SHANK1: variants seen among roughly 807,000 people sequenced by gnomAD.
SHANK1 encodes SH3 and multiple ankyrin repeat domains protein 1.
In SHANK1, 35 loss-of-function variants were observed where a neutral mutation model predicts 165.6. The ratio of observed to expected loss-of-function variants is 0.21; its 90% confidence interval spans 0.16 to 0.28. The LOEUF (loss-of-function observed/expected upper bound fraction) is 0.28. Among genes scored for constraint, SHANK1 ranks in the 10% least tolerant of loss-of-function variants. The pLI is 1.00. For missense variants in SHANK1, 2,681 were observed against 3,036.4 expected (o/e 0.88, Z 2.75); for synonymous variants, 1,428 against 1,384.8 (o/e 1.03, Z -0.69).
rs1011658644 is a variant in SHANK1 at position 50,666,265 on chromosome 19, C to G, written c.5695G>C (p.Gly1899Arg). 1.9e-6 allele frequency: 3 copies of G among 1,610,914 alleles called. No individual in the cohort carries two copies. Among genetic ancestry groups the G allele is most frequent in the Non-Finnish European group, 2.5e-6 (3 of 1,179,096 alleles). Residue 1899 changes from glycine (G) to arginine (R), a missense_variant, in exon 23 of 24, where the codon GGG (glycine) becomes CGG (arginine). Around this residue, in one of 10 missense-constraint regions of SHANK1, gnomAD observed 1,713 missense variants for 1,630.2 expected, o/e 1.05. Coordinates refer to ENST00000293441, the MANE Select transcript of SHANK1 (RefSeq NM_016148.5). ...GALPWARGGS[G>R]GGGDSHHGGA... ...CCGTGGTGGCTGTCTCCGCCTCCCC[C>G]ACTGCCTCCTCGGGCCCAGGGCAGA... is the stretch of plus-strand genomic sequence containing the variant.
Position 50,659,718 on chromosome 19 carries a change from C to A in SHANK1, c.*2247G>T, listed in dbSNP as rs1252818615. Among the ~76,000 whole-genome samples the A allele has an allele frequency of 6.7e-6, 1 of 149,754 alleles. No individual in the cohort carries two copies. Among genetic ancestry groups the A allele is most frequent in the African/African-American group, 2.5e-5 (1 of 40,540 alleles). On this transcript the variant is annotated 3_prime_UTR_variant, in exon 24 of 24. Coordinates refer to ENST00000293441, the MANE Select transcript of SHANK1 (RefSeq NM_016148.5). ...CTTTTTGCTTTTTCTCTCCTCTCCA[C>A]CCCGCGCTGTCCCCGCATTCGGTCC... is the stretch of plus-strand genomic sequence containing the variant.
At position 50,667,889 on chromosome 19, in the gene SHANK1, C is replaced by A; in HGVS notation, c.4071G>T (p.Leu1357=). 2 of 1,323,070 alleles carry A rather than the reference C, an allele frequency of 1.5e-6. No individual in the cohort carries two copies. The allele number at this position is 1,323,070 out of a possible 1,614,324, so 82.0% of individuals were successfully genotyped here. A position where few individuals can be genotyped will look rare whatever the true frequency, so the allele number is the denominator to read the frequency against. Residue 1357 remains leucine (L), a synonymous_variant, in exon 23 of 24, where the codon CTG becomes CTT. Coordinates refer to ENST00000293441, the MANE Select transcript of SHANK1 (RefSeq NM_016148.5). The surrounding 1 kb of genome is among the most constrained non-coding windows in gnomAD (Gnocchi z 5.7). ...LDPASPLGLA[L]AARERALKES... is the part of the protein sequence containing the mutation. ...CCTTCAGCGCTCGCTCGCGGGCGGC[C>A]AGGGCCAGCCCCAGCGGGGAGGCGG...
At chr19:50,684,626 A>G (rs572219229) in intron 21 of SHANK1, among the ~76,000 whole-genome samples, 72 of 152,276 alleles carry the variant, frequency 4.7e-4, no homozygotes, top group African/African-American at 1.7e-3. Flanking sequence ...AAAAAATCCT[A>G]TGTCTTCATT....
Position 50,697,749 on chromosome 19 carries a change from T to A in SHANK1, c.1862-85A>T. 6.5e-7 allele frequency: 1 copy of A among 1,534,916 alleles called. No individual in the cohort carries two copies. The highest frequency in any genetic ancestry group is 1.7e-5 in the Admixed American group (1 of 59,532). ...AGAGCTCCTGGCCCAAGTCTTCCCA[T>A]CTACCTCCCAGTACCCCACCCCCAT... On this transcript the variant is annotated intron_variant, in intron 13 of 23. Coordinates refer to ENST00000293441, the MANE Select transcript of SHANK1 (RefSeq NM_016148.5). This position sits in a 1 kb window ranked among gnomAD's most constrained non-coding sequence, Gnocchi z 4.7.
chr19:50,667,339 C>A lies in SHANK1; in HGVS notation c.4621G>T (p.Gly1541Trp). ...PTSPRASEENGLPLLVLPPPA... is the reference protein window; with the variant it reads ...PTSPRASEENWLPLLVLPPPA... ...GGCGGCAGGACCAGCAGGGGCAGCC[C>A]GTTCTCTTCGCTGGCCCTCGGGGAG... The change falls in exon 23 of 24, where the codon GGG (glycine) becomes TGG (tryptophan). Residue 1541 changes from glycine to tryptophan, a missense_variant. Transcript: ENST00000293441. This position sits in a 1 kb window ranked among gnomAD's most constrained non-coding sequence, Gnocchi z 5.7. 1 of 1,566,124 alleles carries A rather than the reference C, an allele frequency of 6.4e-7. No individual in the cohort carries two copies.
At chr19:50,665,748 A>AAAAAAAAAAAAAAG in intron 23 of SHANK1, among the ~76,000 whole-genome samples, 1 of 147,992 alleles carries the variant, frequency 6.8e-6, no homozygotes, top group African/African-American at 2.5e-5. Flanking sequence ...AAAAAAAAAA[A>AAAAAAAAAAAAAAG]AAAAGCCAGG....
At position 50,718,041 on chromosome 19, in the gene SHANK1, C is replaced by G. The variant is rs1011064137; in HGVS notation, c.-43-1079G>C. Among the ~76,000 whole-genome samples, 4 of 152,264 alleles carry G rather than the reference C, an allele frequency of 2.6e-5. No homozygotes were observed. Among genetic ancestry groups the G allele is most frequent in the East Asian group, 1.9e-4 (1 of 5,178 alleles). Reference sequence around the variant, plus strand: ...AGAATGTCTGGTCTGGTCCCTCCCCCCAACACCAGGCCCGGTTCCTGCACC... The same window carrying G: ...AGAATGTCTGGTCTGGTCCCTCCCCGCAACACCAGGCCCGGTTCCTGCACC... On this transcript the variant is annotated intron_variant, in intron 1 of 23. Transcript: ENST00000293441. The surrounding 1 kb of genome is among the most constrained non-coding windows in gnomAD (Gnocchi z 5.1).
chr19:50,707,908 TTTC>T (rs1267116058), intron 8 of SHANK1, among the ~76,000 whole-genome samples: 1 of 43,656 alleles, frequency 2.3e-5, no homozygotes, highest in East Asian at 2.9e-4. Flanking sequence ...TTTCTTTTCT[TTTC>T]TTTTCTTTTC....
Position 50,703,766 on chromosome 19 carries a change from C to A in SHANK1, c.1287G>T (p.Thr429=), listed in dbSNP as rs374557333. The A allele has an allele frequency of 7.4e-5, 106 of 1,430,254 alleles. No individual in the cohort carries two copies. Among genetic ancestry groups the A allele is most frequent in the Admixed American group, 5.0e-4 (17 of 34,202 alleles). The allele number at this position is 1,430,254 out of a possible 1,614,324, so 88.6% of individuals were successfully genotyped here. A position where few individuals can be genotyped will look rare whatever the true frequency, so the allele number is the denominator to read the frequency against. ...TGGCCCGCAGCAGCGCCGGGGGCAC[C>A]GTCAGCCCTGTGCCTGGGGGCCCCC... ...RRRGPPGTGL[T]VPPALLRANS... is the part of the protein sequence containing the mutation. The change falls in exon 11 of 24, where the codon ACG becomes ACT. Residue 429 remains threonine (T), a synonymous_variant. Transcript: ENST00000293441.
In SHANK1 at chr19:50,705,046, C is replaced by A. The variant is rs955428355; in HGVS notation, c.1078-532G>T. Among the ~76,000 whole-genome samples the A allele has an allele frequency of 4.0e-4, 61 of 150,978 alleles. 1 individual carries two copies. The highest frequency in any genetic ancestry group is 3.4e-3 in the Middle Eastern group (1 of 292). On this transcript the variant is annotated intron_variant, in intron 8 of 23. Transcript: ENST00000293441. ...ACAGAGCAGGGACCTGTCTCCCCCC[C>A]AGAAAAAAAAAATGTCAGGTGTGGT...
rs757087714 is a variant in SHANK1, at chr19:50,668,938, CGTG to C, written c.3019_3021del (p.His1007del). ...TGGTGGTGGGGCTGAGGGGGCGGGG[CGTG>C]GTGGTGGTGGTGGTGGGGCGGGTGG... is the stretch of plus-strand genomic sequence containing the variant. On this transcript the variant is annotated inframe_deletion, in exon 23 of 24. Transcript: ENST00000293441. The C allele has an allele frequency of 8.3e-3, 1,580 of 189,366 alleles. No individual in the cohort carries two copies. The highest frequency in any genetic ancestry group is 0.013 in the South Asian group (373 of 28,326). 11.7% of individuals were successfully genotyped at this position (189,366 alleles called of 1,614,324 possible). A position where few individuals can be genotyped will look rare whatever the true frequency, so the allele number is the denominator to read the frequency against.
rs778469285 is a variant in SHANK1 at position 50,662,562 on chromosome 19, A to G, written c.5889T>C (p.Ala1963=). ...AGGGTGAGGTGGCCCCTGGGGCCGCAGCGGCTGTAGGGGAGACCCCTGTTC... is the reference window on the plus strand; with the variant it reads ...AGGGTGAGGTGGCCCCTGGGGCCGCGGCGGCTGTAGGGGAGACCCCTGTTC... The part of the protein sequence containing the change: ...PTGTGVSPTA[A]AAPGATSPSA... Residue 1963 remains alanine, a synonymous_variant, in exon 24 of 24, where the codon GCT becomes GCC. Coordinates refer to ENST00000293441, the MANE Select transcript of SHANK1 (RefSeq NM_016148.5). This position sits in a 1 kb window ranked among gnomAD's most constrained non-coding sequence, Gnocchi z 7.7. 19 of 1,562,198 alleles carry G rather than the reference A, an allele frequency of 1.2e-5. No homozygotes were observed. The highest frequency in any genetic ancestry group is 1.7e-4 in the Middle Eastern group (1 of 5,916).
chr19:50,698,040 CCA>C, intron 12 of SHANK1, 84 bp from the exon 13 acceptor site: 1 of 969,472 alleles, frequency 1.0e-6, no homozygotes, highest in Non-Finnish European at 1.6e-6. Flanking sequence ...TAGAGCATTC[CCA>C]CAGTTACCAG....
Position 50,688,727 on chromosome 19 carries a change from C to G in SHANK1, c.2172+117G>C, listed in dbSNP as rs974748958. ...GGCTGGCTGGGGGGTGGGCAGGGGG[C>G]TGGGAATCCTGGTGCCAAAGGAGAA... On this transcript the variant is annotated intron_variant, in intron 17 of 23. Transcript: ENST00000293441. This position sits in a 1 kb window ranked among gnomAD's most constrained non-coding sequence, Gnocchi z 6.7. The G allele has an allele frequency of 1.2e-5, 12 of 1,028,358 alleles. No individual in the cohort carries two copies. The African/African-American group carries it at 1.9e-4, about 17-fold the overall frequency. The allele number at this position is 1,028,358 out of a possible 1,614,324, so 63.7% of individuals were successfully genotyped here.
chr19:50,675,335 T>C (rs1023435595), intron 21 of SHANK1, among the ~76,000 whole-genome samples: 1 of 152,256 alleles, frequency 6.6e-6, no homozygotes, highest in South Asian at 2.1e-4. Flanking sequence ...ATTTGAAGTA[T>C]TCAACAGTTA....
intron 8 of SHANK1, among the ~76,000 whole-genome samples, chr19:50,705,607 G>A (rs1285041798): frequency 2.0e-5 from 3 of 151,954 alleles, no homozygotes; most frequent in African/African-American, 7.3e-5. Flanking sequence ...AGCATCCCCG[G>A]TCTCTACCAC....
Position 50,662,798 on chromosome 19 carries a change from G to T in SHANK1, c.5769-116C>A. 9.4e-7 allele frequency: 1 copy of T among 1,061,700 alleles called. No homozygotes were observed. Among genetic ancestry groups the T allele is most frequent in the Non-Finnish European group, 1.4e-6 (1 of 726,932 alleles). 65.8% of individuals were successfully genotyped at this position (1,061,700 alleles called of 1,614,324 possible). A position where few individuals can be genotyped will look rare whatever the true frequency, so the allele number is the denominator to read the frequency against. ...GAGAGGAGGAGAGACATAAGGGTAG[G>T]GGGAGAGACGGAGGAGAGACGGGAA... On this transcript the variant is annotated intron_variant, in intron 23 of 23. Transcript: ENST00000293441. The surrounding 1 kb of genome is among the most constrained non-coding windows in gnomAD (Gnocchi z 7.7).
At chr19:50,677,891 C>A (rs1302418697) in intron 21 of SHANK1, among the ~76,000 whole-genome samples, 1 of 152,200 alleles carries the variant, frequency 6.6e-6, no homozygotes, top group Non-Finnish European at 1.5e-5. Flanking sequence ...GAATGTTTTT[C>A]TGACCCCCTC....
In SHANK1 at chr19:50,716,720, T is replaced by G. The variant is rs1378230346; in HGVS notation, c.200A>C (p.Asp67Ala). ...LQGRSMSVPD[D>A]AHFSMMVFRI... is the part of the protein sequence containing the mutation. Reference sequence around the variant, plus strand: ...GAAGACCATCATGCTGAAGTGGGCGTCGTCTGGGACGGACATTGAGCGGCC... The same window carrying G: ...GAAGACCATCATGCTGAAGTGGGCGGCGTCTGGGACGGACATTGAGCGGCC... The change falls in exon 2 of 24, where the codon GAC (aspartate) becomes GCC (alanine). Residue 67 changes from aspartate to alanine, a missense_variant. Transcript: ENST00000293441. The surrounding 1 kb of genome is among the most constrained non-coding windows in gnomAD (Gnocchi z 8.4). 8 of 1,603,332 alleles carry G rather than the reference T, an allele frequency of 5.0e-6. No individual in the cohort carries two copies. The South Asian group carries it at 7.8e-5, about 16-fold the overall frequency.
Sources: gnomAD v4.1 joint callset for allele counts (sites outside exome capture counted in the v4.1 genomes callset) on GRCh38, gnomAD v4.1.1 for gene constraint, gnomAD v4.1.1 regional missense constraint, Gnocchi (gnomAD v3.1) non-coding constraint, MANE v1.5 for transcripts, NCBI Gene and HGNC (gene_info 2026-07-23, HGNC 2026-07-21) for gene names.